Variants in ICA1 observed in about 807,000 individuals in gnomAD.
The protein encoded by ICA1 is 69 kDa islet cell autoantigen.
A neutral mutation model predicts 71.0 loss-of-function variants in ICA1; 40 were observed. The observed-to-expected ratio is 0.56, with a 90% CI of 0.44 to 0.73. The LOEUF (loss-of-function observed/expected upper bound fraction) is 0.73. Among genes scored for constraint, ICA1 ranks in the 30% least tolerant of loss-of-function variants. ICA1 has a pLI of 0.00. For missense variants in ICA1, 578 were observed against 576.5 expected, an observed-to-expected ratio of 1.00 and a Z score of -0.03; for synonymous variants, 207 against 209.5, an observed-to-expected ratio of 0.99 and a Z score of 0.10.
intron 10 of ICA1, among the ~76,000 whole-genome samples, chr7:8,141,300 T>G (rs1318422212): frequency 6.6e-6 from 1 of 152,224 alleles, no homozygotes; most frequent in African/African-American, 2.4e-5. Context: ...ACTGGCAGGC[T>G]GAGGCATCAG....
intron 6 of ICA1, among the ~76,000 whole-genome samples, chr7:8,159,762 A>G (rs1450327457): frequency 2.6e-5 from 4 of 152,172 alleles, no homozygotes; most frequent in African/African-American, 9.7e-5. Flanking sequence ...ATGAAGTTAA[A>G]ATTACACCCT....
In ICA1 at chr7:8,144,328, T is replaced by C. The variant is rs1796191210; in HGVS notation, c.805-356A>G. On this transcript the variant is annotated intron_variant, in intron 8 of 13. Coordinates refer to ENST00000402384, the MANE Select transcript of ICA1 (RefSeq NM_001136020.3). This position sits in a 1 kb window ranked among gnomAD's most constrained non-coding sequence, Gnocchi z 4.5. ...CAACATGTAGTTAAGATAAACATTC[T>C]GTTCTGTTCGCAGCCCACACACTGA... Among the ~76,000 whole-genome samples the C allele has an allele frequency of 6.6e-6, 1 of 152,242 alleles. No individual in the cohort carries two copies. The highest frequency in any genetic ancestry group is 1.5e-5 in the Non-Finnish European group (1 of 68,044).
At chr7:8,260,131 T>C (rs554896915) in intron 1 of ICA1, among the ~76,000 whole-genome samples, 2 of 152,314 alleles carry the variant, frequency 1.3e-5, no homozygotes, top group African/African-American at 2.4e-5. Flanking sequence ...ATGAGGTTTC[T>C]ATAATCTTAA....
At chr7:8,203,097 A>G (rs1790282412) in intron 6 of ICA1, among the ~76,000 whole-genome samples, 1 of 152,182 alleles carries the variant, frequency 6.6e-6, no homozygotes, top group African/African-American at 2.4e-5. Flanking sequence ...AACCTAGAGA[A>G]CACCAAGGGG....
chr7:8,215,825 C>A (rs1223958996), intron 6 of ICA1, among the ~76,000 whole-genome samples: 4 of 152,142 alleles, frequency 2.6e-5, no homozygotes, highest in African/African-American at 9.7e-5. Context: ...CTGAAACTCC[C>A]CCTCCCACAG....
chr7:8,123,536 G>A lies in ICA1; in HGVS notation c.1330+4337C>T, dbSNP rs1171561193. On this transcript the variant is annotated intron_variant, in intron 13 of 13. Coordinates refer to ENST00000402384, the MANE Select transcript of ICA1 (RefSeq NM_001136020.3). This position sits in a 1 kb window ranked among gnomAD's most constrained non-coding sequence, Gnocchi z 4.1. ...AAAACCTGAGATGCAGCAGGAGTGTGCCAGAGCGAATGTAGCTGCTGGCAC... is the reference window on the plus strand; with the variant it reads ...AAAACCTGAGATGCAGCAGGAGTGTACCAGAGCGAATGTAGCTGCTGGCAC... Among the ~76,000 whole-genome samples the A allele has an allele frequency of 6.6e-6, 1 of 152,178 alleles. No individual in the cohort carries two copies. Among genetic ancestry groups the A allele is most frequent in the Non-Finnish European group, 1.5e-5 (1 of 68,032 alleles).
At chr7:8,141,631 A>G in intron 10 of ICA1, 134 bp downstream of exon 10, 1 of 594,298 alleles carries the variant, frequency 1.7e-6, no homozygotes. Flanking sequence ...CTGAGTCTAC[A>G]GGAAGCAAAT....
At chr7:8,146,197 A>T (rs888890552) in intron 8 of ICA1, among the ~76,000 whole-genome samples, 1 of 152,216 alleles carries the variant, frequency 6.6e-6, no homozygotes. Context: ...CAGATAATTA[A>T]AACCGAGGGA....
rs201711154 is a variant in ICA1, at chr7:8,144,650, A to T, written c.805-678T>A. 3.2e-5 allele frequency among the ~76,000 whole-genome samples: 4 copies of T among 126,714 alleles called. No homozygotes were observed. The highest frequency in any genetic ancestry group is 8.4e-5 in the African/African-American group (3 of 35,852). 83.1% of individuals were successfully genotyped at this position (126,714 alleles called of 152,430 possible). A position where few individuals can be genotyped will look rare whatever the true frequency, so the allele number is the denominator to read the frequency against. On this transcript the variant is annotated intron_variant, in intron 8 of 13. Coordinates refer to ENST00000402384, the MANE Select transcript of ICA1 (RefSeq NM_001136020.3). This position sits in a 1 kb window ranked among gnomAD's most constrained non-coding sequence, Gnocchi z 4.5. The stretch of plus-strand genomic sequence containing the variant: ...ACTAAATATTTAAGTTTTTTTTTTT[A>T]AACAGCAAGTGCCTAGAAACTGTAT...
chr7:8,254,935 G>A (rs940331809), intron 1 of ICA1, among the ~76,000 whole-genome samples: 11 of 152,068 alleles, frequency 7.2e-5, no homozygotes, highest in Non-Finnish European at 1.6e-4. Flanking sequence ...CCCTCTTCAC[G>A]CACTCTGGGG....
At chr7:8,156,756 C>T in intron 8 of ICA1, 4 of 1,367,628 alleles carry the variant, frequency 2.9e-6, no homozygotes, top group Non-Finnish European at 3.9e-6. Context: ...GTTTATGGGA[C>T]TTGTACAATC....
intron 6 of ICA1, among the ~76,000 whole-genome samples, chr7:8,188,838 T>A (rs1420234359): frequency 6.6e-6 from 1 of 152,114 alleles, no homozygotes; most frequent in African/African-American, 2.4e-5. Context: ...ATCAAGACTA[T>A]GGTTTGGTGG....
At chr7:8,161,888 A>G (rs1036393896) in intron 6 of ICA1, among the ~76,000 whole-genome samples, 24 of 152,332 alleles carry the variant, frequency 1.6e-4, no homozygotes, top group African/African-American at 5.5e-4. Context: ...TGCTTATTTC[A>G]CAGCATTATT....
intron 8 of ICA1, among the ~76,000 whole-genome samples, chr7:8,150,786 A>C (rs1798530268): frequency 6.6e-6 from 1 of 152,204 alleles, no homozygotes; most frequent in Non-Finnish European, 1.5e-5. Context: ...TTTTTAATTG[A>C]AAGTTTGCAG....
chr7:8,126,978 T>C (rs78883005), intron 13 of ICA1, among the ~76,000 whole-genome samples: 2 of 65,748 alleles, frequency 3.0e-5, no homozygotes, highest in East Asian at 1.1e-3. Context: ...CCCTCCAGCA[T>C]TTTTTTTTTT....
intron 6 of ICA1, among the ~76,000 whole-genome samples, chr7:8,179,223 A>G (rs1243801272): frequency 6.6e-6 from 1 of 152,202 alleles, no homozygotes; most frequent in Non-Finnish European, 1.5e-5. Flanking sequence ...GGAACACAAA[A>G]GAAAAACTTC....
intron 13 of ICA1, among the ~76,000 whole-genome samples, chr7:8,114,462 C>G (rs1051707433): frequency 2.0e-5 from 3 of 152,182 alleles, no homozygotes; most frequent in African/African-American, 7.2e-5. Context: ...TCTGCTGGGT[C>G]AGGAGAAATA....
chr7:8,124,284 C>A (rs1051071182), intron 13 of ICA1, among the ~76,000 whole-genome samples: 4 of 151,290 alleles, frequency 2.6e-5, no homozygotes, highest in Admixed American at 1.3e-4. Flanking sequence ...GCATGCCCAG[C>A]TAATTTTTGT....
intron 6 of ICA1, among the ~76,000 whole-genome samples, chr7:8,168,932 C>T (rs1006177886): frequency 5.3e-5 from 8 of 152,156 alleles, no homozygotes; most frequent in Middle Eastern, 3.4e-3. Context: ...TTTGAACAAA[C>T]GTATATAGTT....
Sources: allele counts gnomAD v4.1 joint callset (sites outside exome capture counted in the v4.1 genomes callset), GRCh38; gene constraint gnomAD v4.1.1; non-coding constraint Gnocchi (gnomAD v3.1); transcripts MANE v1.5; gene names NCBI Gene and HGNC (gene_info 2026-07-23, HGNC 2026-07-21).